The following THRB variants were observed in gnomAD, a reference collection of about 807,000 sequenced individuals.
THRB encodes thyroid hormone receptor beta.
THRB carries 12 observed loss-of-function variants against 47.8 expected under a neutral mutation model. That is an observed-to-expected ratio of 0.25 (90% CI 0.16 to 0.41). THRB has a LOEUF of 0.41. THRB is among the 10% of genes least tolerant of loss of function. The pLI, the probability that THRB is intolerant of heterozygous loss-of-function variation, is 1.00. For missense variants in THRB, 348 were observed against 589.2 expected, an observed-to-expected ratio of 0.59 and a Z score of 4.24; for synonymous variants, 218 against 212.2, an observed-to-expected ratio of 1.03 and a Z score of -0.24.
At chr3:24,390,797 A>AAAATATATAT (rs5847290) in intron 1 of THRB, among the ~76,000 whole-genome samples, 3 of 137,852 alleles carry the variant, frequency 2.2e-5, no homozygotes, top group African/African-American at 8.1e-5. Flanking sequence ...AAAAAAAAAA[A>AAAATATATAT]ATATATATAT....
chr3:24,492,658 G>A (rs192364677), intron 1 of THRB, among the ~76,000 whole-genome samples: 4 of 152,268 alleles, frequency 2.6e-5, no homozygotes, highest in African/African-American at 9.6e-5. Flanking sequence ...CTTTTAAGGC[G>A]ATTTTAAGAA....
At chr3:24,128,863 CTTTTTTTTT>C (rs57890674) in intron 9 of THRB, among the ~76,000 whole-genome samples, 5,771 of 87,088 alleles carry the variant, frequency 0.066, 521 homozygotes, top group African/African-American at 0.18. Context: ...AAACATAACT[CTTTTTTTTT>C]TTTTTTTTTT....
rs555659901 is a variant in THRB, at chr3:24,138,217, G to T, written c.739-4755C>A. Among the ~76,000 whole-genome samples the T allele has an allele frequency of 1.3e-3, 194 of 152,248 alleles. 1 individual carries two copies. Among genetic ancestry groups the T allele is most frequent in the African/African-American group, 4.5e-3 (185 of 41,552 alleles). On this transcript the variant is annotated intron_variant, in intron 8 of 10. Coordinates refer to ENST00000646209, the MANE Select transcript of THRB (RefSeq NM_001354712.2). Reference sequence around the variant, plus strand: ...AAAAGGTAACTCTCTGACACATGCAGAATGGAGTGGGGCCAGATGGGACTC... The same window carrying T: ...AAAAGGTAACTCTCTGACACATGCATAATGGAGTGGGGCCAGATGGGACTC...
intron 1 of THRB, among the ~76,000 whole-genome samples, chr3:24,413,548 CT>C (rs1001725982): frequency 1.2e-4 from 18 of 151,308 alleles, no homozygotes; most frequent in East Asian, 5.9e-4. Flanking sequence ...GACCTATTAA[CT>C]TTTTTTTTCT....
chr3:24,423,151 C>T (rs1411322694), intron 1 of THRB, among the ~76,000 whole-genome samples: 1 of 151,870 alleles, frequency 6.6e-6, no homozygotes, highest in East Asian at 2.0e-4. Context: ...GCAGAATAAG[C>T]CTGAGTCGGT....
At chr3:24,354,679 T>A (rs1006825452) in intron 1 of THRB, among the ~76,000 whole-genome samples, 1 of 152,110 alleles carries the variant, frequency 6.6e-6, no homozygotes, top group African/African-American at 2.4e-5. Context: ...GGATTTCCAC[T>A]CTCAAATAAA....
Position 24,178,040 on chromosome 3 carries a change from TA to T in THRB, c.283+12033del, listed in dbSNP as rs555297023. On this transcript the variant is annotated intron_variant, in intron 5 of 10. Transcript: ENST00000646209. ...AAGTATCATCCTATGGGTCCAACCT[TA>T]AAAATGTCACAGGGGACAGAGAAAC... 1.2e-3 allele frequency among the ~76,000 whole-genome samples: 183 copies of T among 152,226 alleles called. 6 individuals carry two copies. In the South Asian group the frequency reaches 0.036, roughly 30 times the overall value.
intron 3 of THRB, among the ~76,000 whole-genome samples, chr3:24,276,949 C>A (rs1173711023): frequency 6.6e-6 from 1 of 150,878 alleles, no homozygotes; most frequent in Non-Finnish European, 1.5e-5. Context: ...AAGTTATATG[C>A]AAACTTCAAA....
chr3:24,410,526 A>G (rs1382864634), intron 1 of THRB, among the ~76,000 whole-genome samples: 5 of 151,850 alleles, frequency 3.3e-5, no homozygotes, highest in African/African-American at 1.2e-4. Context: ...CCCTTTGACA[A>G]TAAAAAACAA....
intron 3 of THRB, among the ~76,000 whole-genome samples, chr3:24,274,017 T>A (rs1472284979): frequency 6.6e-6 from 1 of 152,210 alleles, no homozygotes; most frequent in Non-Finnish European, 1.5e-5. Context: ...GATAACTTTA[T>A]TTAGCAAAAT....
chr3:24,276,221 T>A (rs192943593), intron 3 of THRB, among the ~76,000 whole-genome samples: 1 of 152,196 alleles, frequency 6.6e-6, no homozygotes, highest in Admixed American at 6.5e-5. Flanking sequence ...AGTTAGTGTA[T>A]AATAATTGGT....
intron 1 of THRB, among the ~76,000 whole-genome samples, chr3:24,352,193 A>G (rs1265012507): frequency 6.6e-6 from 1 of 152,196 alleles, no homozygotes; most frequent in Admixed American, 6.5e-5. Context: ...TCTTTCTAAC[A>G]CAGGAACAAA....
At chr3:24,211,275 G>A (rs2045998224) in intron 4 of THRB, among the ~76,000 whole-genome samples, 1 of 151,396 alleles carries the variant, frequency 6.6e-6, no homozygotes, top group South Asian at 2.1e-4. Context: ...AAGTATATTT[G>A]TGATGTGGTG....
chr3:24,318,042 A>AAAG (rs1242321928), intron 2 of THRB, among the ~76,000 whole-genome samples: 1 of 152,136 alleles, frequency 6.6e-6, no homozygotes, highest in Non-Finnish European at 1.5e-5. Context: ...TTGTCTCAAA[A>AAAG]AAGAATGAAC....
At chr3:24,168,259 C>T (rs1215594048) in intron 5 of THRB, among the ~76,000 whole-genome samples, 1 of 152,040 alleles carries the variant, frequency 6.6e-6, no homozygotes, top group East Asian at 1.9e-4. Context: ...TCACATCTGT[C>T]ACCTGTGATT....
At chr3:24,358,796 C>T (rs79245491) in intron 1 of THRB, among the ~76,000 whole-genome samples, 3,539 of 152,218 alleles carry the variant, frequency 0.023, 67 homozygotes, top group Middle Eastern at 0.037. Context: ...AACCACTGAA[C>T]CAGTCAATCC....
At chr3:24,276,596 A>C (rs1005762096) in intron 3 of THRB, among the ~76,000 whole-genome samples, 2 of 152,264 alleles carry the variant, frequency 1.3e-5, no homozygotes, top group Non-Finnish European at 2.9e-5. Context: ...TGCCTAGGAC[A>C]TAGTGACTGT....
chr3:24,145,268 C>G (rs2035940845), intron 7 of THRB, among the ~76,000 whole-genome samples: 1 of 152,018 alleles, frequency 6.6e-6, no homozygotes, highest in Non-Finnish European at 1.5e-5. Context: ...CCAAAGGTCA[C>G]ACAGCTAGTA....
chr3:24,219,388 T>C (rs1576015104), intron 4 of THRB, among the ~76,000 whole-genome samples: 1 of 152,222 alleles, frequency 6.6e-6, no homozygotes, highest in East Asian at 1.9e-4. Flanking sequence ...ACTGTTCCAT[T>C]ACTTCAATGA....
Sources: allele counts gnomAD v4.1 joint callset (sites outside exome capture counted in the v4.1 genomes callset), GRCh38; gene constraint gnomAD v4.1.1; transcripts MANE v1.5; gene names NCBI Gene and HGNC (gene_info 2026-07-23, HGNC 2026-07-21).